COX5B: variants seen among roughly 807,000 people sequenced by gnomAD.
The protein encoded by COX5B is cytochrome c oxidase subunit 5B.
COX5B carries 8 observed loss-of-function variants against 16.2 expected under a neutral mutation model. The observed-to-expected ratio is 0.49, with a 90% confidence interval of 0.29 to 0.89. The LOEUF is 0.89. Among genes scored for constraint, COX5B ranks in the 40% least tolerant of loss-of-function variants. COX5B has a pLI of 0.08. For missense variants in COX5B, 161 were observed against 168.7 expected, an observed-to-expected ratio of 0.95 and a Z score of 0.25; for synonymous variants, 65 against 67.6, an observed-to-expected ratio of 0.96 and a Z score of 0.19.
At position 97,646,118 on chromosome 2, in the gene COX5B, C is replaced by T. The variant is rs1266037445; in HGVS notation, c.32C>T (p.Thr11Met). 3.2e-6 allele frequency: 5 copies of T among 1,557,126 alleles called. No individual in the cohort carries two copies. The highest frequency in any genetic ancestry group is 1.9e-5 in the Admixed American group (1 of 51,898). The change falls in exon 1 of 4, where the codon ACG becomes ATG. Residue 11 changes from threonine to methionine, a missense_variant. Coordinates refer to ENST00000258424, the MANE Select transcript of COX5B (RefSeq NM_001862.3). ...TCAAGGTTACTTCGCGGAGCTGGAACGCTGGCCGCGCAGGCCCTGAGGGCT... is the reference window on the plus strand; with the variant it reads ...TCAAGGTTACTTCGCGGAGCTGGAATGCTGGCCGCGCAGGCCCTGAGGGCT... MASRLLRGAG[T>M]LAAQALRARG...
intron 3 of COX5B, among the ~76,000 whole-genome samples, chr2:97,647,766 A>G (rs1471785264): frequency 6.6e-6 from 1 of 152,216 alleles, no homozygotes; most frequent in African/African-American, 2.4e-5. Flanking sequence ...TACATAGGCA[A>G]GGGAATTGTT....
intron 1 of COX5B, chr2:97,646,521 A>C: frequency 3.7e-6 from 1 of 270,698 alleles, no homozygotes. Context: ...TTTTAGACAA[A>C]TGTCGACAAA....
chr2:97,646,124 C>T lies in COX5B; in HGVS notation c.38C>T (p.Ala13Val). 1 of 1,557,424 alleles carries T rather than the reference C, an allele frequency of 6.4e-7. No individual in the cohort carries two copies. Among genetic ancestry groups the T allele is most frequent in the Non-Finnish European group, 8.7e-7 (1 of 1,150,382 alleles). The change falls in exon 1 of 4, where the codon GCC becomes GTC. Residue 13 changes from alanine to valine, a missense_variant. By Grantham distance (64) the Ala-to-Val change is moderately conservative. Coordinates refer to ENST00000258424, the MANE Select transcript of COX5B (RefSeq NM_001862.3). ...SRLLRGAGTL[A>V]AQALRARGPS... ...TTACTTCGCGGAGCTGGAACGCTGGCCGCGCAGGCCCTGAGGGCTCGCGGC... is the reference window on the plus strand; with the variant it reads ...TTACTTCGCGGAGCTGGAACGCTGGTCGCGCAGGCCCTGAGGGCTCGCGGC...
rs1407119950 is a variant in COX5B at position 97,647,204 on chromosome 2, TCTC to T, written c.177+68_177+70del. On this transcript the variant is annotated intron_variant, in intron 2 of 3. Transcript: ENST00000258424. ...ATGGCCTTGGATGTGTTCATAGTGG[TCTC>T]CTCTCTGGGAGTATTTGATACAGGA... 5.1e-6 allele frequency: 8 copies of T among 1,567,536 alleles called. No homozygotes were observed. The Admixed American group carries it at 6.7e-5, about 13-fold the overall frequency.
chr2:97,646,066 T>A lies in COX5B; in HGVS notation c.-21T>A, dbSNP rs1248327197. 6.5e-7 allele frequency: 1 copy of A among 1,544,574 alleles called. No homozygotes were observed. Among genetic ancestry groups the A allele is most frequent in the Admixed American group, 2.0e-5 (1 of 51,052 alleles). ...TCTCTGCAGCTTGTTCCCGGAAGTT[T>A]TGCTGCTAGTCGCGGACGCAATGGC... On this transcript the variant is annotated 5_prime_UTR_variant, in exon 1 of 4. In the 5' UTR this introduces an upstream ATG that the reference lacks. Transcript: ENST00000258424.
chr2:97,646,166 C>G lies in COX5B; in HGVS notation c.80C>G (p.Ala27Gly). The G allele has an allele frequency of 6.4e-7, 1 of 1,550,686 alleles. No individual in the cohort carries two copies. The highest frequency in any genetic ancestry group is 8.7e-7 in the Non-Finnish European group (1 of 1,146,652). The change falls in exon 1 of 4, where the codon GCG (alanine) becomes GGG (glycine). Residue 27 changes from alanine (A) to glycine (G), a missense_variant. Ala to Gly is a moderately conservative substitution (Grantham distance 60, BLOSUM62 0). Coordinates refer to ENST00000258424, the MANE Select transcript of COX5B (RefSeq NM_001862.3). ...GCTCGCGGCCCCAGTGGCGCGGCCGCGATGCGCTCCATGGCATCTGGAGGT... is the reference window on the plus strand; with the variant it reads ...GCTCGCGGCCCCAGTGGCGCGGCCGGGATGCGCTCCATGGCATCTGGAGGT... ...LRARGPSGAA[A>G]MRSMASGGGV...
At chr2:97,646,963 C>A in intron 1 of COX5B, 104 bp from the exon 2 acceptor site, 1 of 1,199,674 alleles carries the variant, frequency 8.3e-7, no homozygotes, top group Non-Finnish European at 1.2e-6. Flanking sequence ...CCCGCTAAAA[C>A]TTATACAGAA....
In COX5B at chr2:97,648,281, G is replaced by C; in HGVS notation, c.*173G>C. The C allele has an allele frequency of 1.7e-6, 1 of 602,238 alleles. No homozygotes were observed. The highest frequency in any genetic ancestry group is 2.9e-6 in the Non-Finnish European group (1 of 345,182). The allele number at this position is 602,238 out of a possible 1,614,324, so 37.3% of individuals were successfully genotyped here. On this transcript the variant is annotated 3_prime_UTR_variant, in exon 4 of 4. Coordinates refer to ENST00000258424, the MANE Select transcript of COX5B (RefSeq NM_001862.3). ...AAAAGCTGTCTGTTAATGCTAGCTT[G>C]CCATCCACTTACTGAAAGTGTATAA...
rs561819367 is a variant in COX5B at position 97,647,555 on chromosome 2, G to A, written c.277+112G>A. On this transcript the variant is annotated intron_variant, in intron 3 of 3. Coordinates refer to ENST00000258424, the MANE Select transcript of COX5B (RefSeq NM_001862.3). Reference sequence around the variant, plus strand: ...TGCATGTTGGTAAGTTTGTCTAAGGGTCTTGACACTCTCAAGCCTCATTAT... The same window carrying A: ...TGCATGTTGGTAAGTTTGTCTAAGGATCTTGACACTCTCAAGCCTCATTAT... 6.7e-6 allele frequency: 6 copies of A among 899,934 alleles called. No homozygotes were observed. The South Asian group carries it at 7.6e-5, about 11-fold the overall frequency. 55.7% of individuals were successfully genotyped at this position (899,934 alleles called of 1,614,324 possible).
chr2:97,647,688 C>T (rs1278790708), intron 3 of COX5B, among the ~76,000 whole-genome samples: 1 of 152,180 alleles, frequency 6.6e-6, no homozygotes, highest in African/African-American at 2.4e-5. Flanking sequence ...TATTGTTATA[C>T]TGCTTCTATG....
rs1172497549 is a variant in COX5B at position 97,648,041 on chromosome 2, GC to G, written c.324del (p.Glu109ArgfsTer26). On this transcript the variant is annotated frameshift_variant, in exon 4 of 4. Transcript: ENST00000258424. LOFTEE classifies it high-confidence loss of function. ...TSVVWFWLHK[G>X]EAQRCPRCGA... is the part of the protein sequence containing the mutation. ...GTCGTCTGGTTTTGGCTGCACAAAGGCGAGGCCCAGCGATGCCCCCGCTGTG... is the reference window on the plus strand; with the variant it reads ...GTCGTCTGGTTTTGGCTGCACAAAGGGAGGCCCAGCGATGCCCCCGCTGTG... 1 of 1,613,478 alleles carries G rather than the reference GC, an allele frequency of 6.2e-7. No individual in the cohort carries two copies. Among genetic ancestry groups the G allele is most frequent in the Non-Finnish European group, 8.5e-7 (1 of 1,179,840 alleles).
Position 97,648,015 on chromosome 2 carries a change from C to G in COX5B, c.297C>G (p.Ser99Arg). 1 of 1,613,722 alleles carries G rather than the reference C, an allele frequency of 6.2e-7. No homozygotes were observed. Among genetic ancestry groups the G allele is most frequent in the Non-Finnish European group, 8.5e-7 (1 of 1,179,866 alleles). ...TTTTAGGTGAAGAGGACAATACCAG[C>G]GTCGTCTGGTTTTGGCTGCACAAAG... is the stretch of plus-strand genomic sequence containing the variant. Reference protein sequence around the residue: ...VGCICEEDNTSVVWFWLHKGE... With the variant: ...VGCICEEDNTRVVWFWLHKGE... Residue 99 changes from serine (S) to arginine (R), a missense_variant, in exon 4 of 4, where the codon AGC (serine) becomes AGG (arginine). Transcript: ENST00000258424.
intron 2 of COX5B, 97 bp from the exon 3 acceptor site, chr2:97,647,247 G>C: frequency 6.6e-7 from 1 of 1,520,968 alleles, no homozygotes; most frequent in Non-Finnish European, 9.1e-7. Flanking sequence ...TGGCTTGTAG[G>C]AACAGTCCCC....
intron 2 of COX5B, 65 bp from the exon 3 acceptor site, chr2:97,647,279 T>A: frequency 1.3e-6 from 2 of 1,548,858 alleles, no homozygotes; most frequent in African/African-American, 1.4e-5. Context: ...AAGGTAGGGC[T>A]TATTTGGCCT....
At chr2:97,647,000 A>G (rs1674669366) in intron 1 of COX5B, 67 bp from the exon 2 acceptor site, 2 of 1,538,474 alleles carry the variant, frequency 1.3e-6, no homozygotes, top group Non-Finnish European at 1.8e-6. Context: ...TTCCTTGATC[A>G]TTTCTGTTTG....
Position 97,646,118 on chromosome 2 carries a change from C to A in COX5B, c.32C>A (p.Thr11Lys). 1 of 1,557,126 alleles carries A rather than the reference C, an allele frequency of 6.4e-7. No individual in the cohort carries two copies. The highest frequency in any genetic ancestry group is 8.7e-7 in the Non-Finnish European group (1 of 1,150,192). The change falls in exon 1 of 4, where the codon ACG becomes AAG. Residue 11 changes from threonine to lysine, a missense_variant. Physicochemically the swap from Thr to Lys is moderately conservative, Grantham distance 78 (BLOSUM62 -1). Coordinates refer to ENST00000258424, the MANE Select transcript of COX5B (RefSeq NM_001862.3). Reference sequence around the variant, plus strand: ...TCAAGGTTACTTCGCGGAGCTGGAACGCTGGCCGCGCAGGCCCTGAGGGCT... The same window carrying A: ...TCAAGGTTACTTCGCGGAGCTGGAAAGCTGGCCGCGCAGGCCCTGAGGGCT... MASRLLRGAG[T>K]LAAQALRARG...
Position 97,647,369 on chromosome 2 carries a change from A to C in COX5B, c.203A>C (p.Lys68Thr). Residue 68 changes from lysine to threonine, a missense_variant, in exon 3 of 4, where the codon AAG becomes ACG. Physicochemically the swap from Lys to Thr is moderately conservative, Grantham distance 78. Coordinates refer to ENST00000258424, the MANE Select transcript of COX5B (RefSeq NM_001862.3). ...GLDPYNVLAPKGASGTREDPN... is the reference protein window; with the variant it reads ...GLDPYNVLAPTGASGTREDPN... ...GACCCATACAATGTACTGGCCCCAA[A>C]GGGAGCTTCAGGCACCAGGGAAGAC... The C allele has an allele frequency of 6.2e-7, 1 of 1,614,126 alleles. No homozygotes were observed. Among genetic ancestry groups the C allele is most frequent in the Non-Finnish European group, 8.5e-7 (1 of 1,180,008 alleles).
chr2:97,646,634 G>A (rs575125134), intron 1 of COX5B: 11 of 210,142 alleles, frequency 5.2e-5, no homozygotes, highest in Middle Eastern at 2.1e-3. Context: ...GATCCCCTGA[G>A]GTCAGGAGCT....
intron 1 of COX5B, 65 bp downstream of exon 1, chr2:97,646,254 C>A: frequency 8.8e-7 from 1 of 1,142,250 alleles, no homozygotes; most frequent in Non-Finnish European, 1.2e-6. Flanking sequence ...CCCAGGGCGG[C>A]AAAGCGGCGC....
Sources: allele counts gnomAD v4.1 joint callset (sites outside exome capture counted in the v4.1 genomes callset), GRCh38; gene constraint gnomAD v4.1.1; transcripts MANE v1.5; gene names NCBI Gene and HGNC (gene_info 2026-07-23, HGNC 2026-07-21).